Variants in EDRF1 observed in about 807,000 individuals in gnomAD.
The protein encoded by EDRF1 is erythroid differentiation-related factor 1.
In EDRF1, 69 loss-of-function variants were observed where a neutral mutation model predicts 148.7. The observed-to-expected ratio is 0.46, with a 90% CI of 0.38 to 0.57. The LOEUF is 0.57. EDRF1 is among the 20% of genes least tolerant of loss of function. The pLI, the probability that EDRF1 is intolerant of heterozygous loss-of-function variation, is 0.00. For synonymous variants in EDRF1, 515 were observed against 532.8 expected (o/e 0.97, Z 0.46); for missense variants, 1,118 against 1,478.7 (o/e 0.76, Z 4.00).
intron 24 of EDRF1, among the ~76,000 whole-genome samples, chr10:125,754,481 T>G (rs1342663202): frequency 6.6e-6 from 1 of 152,192 alleles, no homozygotes; most frequent in African/African-American, 2.4e-5. Flanking sequence ...TTCTGAATGT[T>G]GTCATTAATG....
chr10:125,761,143 A>T (rs1228661327), intron 24 of EDRF1: 4 of 310,824 alleles, frequency 1.3e-5, no homozygotes, highest in African/African-American at 2.3e-5. Flanking sequence ...TAATAATTAA[A>T]ATCTTAAGTT....
At chr10:125,721,163 T>C in intron 1 of EDRF1, 41 bp from the exon 2 acceptor site, 2 of 1,598,722 alleles carry the variant, frequency 1.3e-6, no homozygotes, top group South Asian at 1.1e-5. Flanking sequence ...TTTTTCGTTC[T>C]TAGTAATTTT....
chr10:125,747,077 T>G (rs1438635057), intron 19 of EDRF1: 1 of 157,878 alleles, frequency 6.3e-6, no homozygotes, highest in African/African-American at 2.4e-5. Context: ...GCTGGGTGAT[T>G]AAGTGTGGTT....
chr10:125,740,401 T>C, intron 15 of EDRF1, 62 bp from the exon 16 acceptor site: 1 of 1,533,672 alleles, frequency 6.5e-7, no homozygotes, highest in Non-Finnish European at 9.0e-7. Context: ...AAAATATTTT[T>C]TGTGCATGAG....
intron 24 of EDRF1, among the ~76,000 whole-genome samples, chr10:125,761,843 G>C (rs1589884994): frequency 6.6e-6 from 1 of 152,168 alleles, no homozygotes; most frequent in East Asian, 1.9e-4. Context: ...CAAAGAATAA[G>C]TCATCTTTCA....
At chr10:125,746,000 C>T (rs1849335663) in intron 19 of EDRF1, 70 bp downstream of exon 19, 2 of 1,430,502 alleles carry the variant, frequency 1.4e-6, no homozygotes, top group African/African-American at 1.4e-5. Flanking sequence ...TTGCCAGTTT[C>T]ACTAAAATAC....
At chr10:125,742,078 T>C (rs1826413728) in intron 17 of EDRF1, 1 of 454,592 alleles carries the variant, frequency 2.2e-6, no homozygotes, top group Admixed American at 3.3e-5. Context: ...AGGTTTCCTT[T>C]TGAAAGGTAT....
chr10:125,740,775 C>G, intron 16 of EDRF1, 124 bp downstream of exon 16: 2 of 1,208,004 alleles, frequency 1.7e-6, no homozygotes, highest in Non-Finnish European at 2.4e-6. Flanking sequence ...ATGACTGTTT[C>G]CAATCCTGTG....
intron 24 of EDRF1, among the ~76,000 whole-genome samples, chr10:125,757,450 C>T (rs983428813): frequency 5.3e-5 from 8 of 152,192 alleles, no homozygotes; most frequent in Admixed American, 1.3e-4. Flanking sequence ...ACAGAATACA[C>T]TGCTACTAGT....
chr10:125,738,479 A>G (rs992784809), intron 15 of EDRF1, 34 bp downstream of exon 15: 7 of 1,613,138 alleles, frequency 4.3e-6, no homozygotes, highest in Middle Eastern at 1.7e-4. Flanking sequence ...AAGGCCTTCA[A>G]TAGAATAATA....
At chr10:125,747,271 C>G (rs1316805982) in intron 19 of EDRF1, 1 of 474,470 alleles carries the variant, frequency 2.1e-6, no homozygotes, top group African/African-American at 2.0e-5. Context: ...CATGCTCAGC[C>G]TGAGTCAGAA....
intron 9 of EDRF1, 116 bp from the exon 10 acceptor site, chr10:125,733,288 C>G: frequency 3.8e-6 from 3 of 787,082 alleles, no homozygotes; most frequent in Non-Finnish European, 6.1e-6. Context: ...TAAACACTTT[C>G]ATGCTACATA....
intron 13 of EDRF1, among the ~76,000 whole-genome samples, chr10:125,736,971 T>C (rs903321878): frequency 2.2e-4 from 33 of 152,028 alleles, no homozygotes; most frequent in African/African-American, 8.0e-4. Flanking sequence ...TCCCTGCAGG[T>C]ACAGACCCTC....
rs147976694 is a variant in EDRF1, at chr10:125,752,872, A to G, written c.3351A>G (p.Ala1117=). 4.3e-6 allele frequency: 7 copies of G among 1,613,988 alleles called. No homozygotes were observed. In the Admixed American group the frequency reaches 8.3e-5, roughly 19 times the overall value. Residue 1117 remains alanine (A), a synonymous_variant, in exon 23 of 25, where the codon GCA becomes GCG. Transcript: ENST00000356792. ...ALDIMVRTEH[A]FQLIQKELIE... is the part of the protein sequence containing the mutation. ...ATATAATGGTGAGAACTGAGCACGCATTCCAGCTTATCCAGAAGGAGCTTA... is the reference window on the plus strand; with the variant it reads ...ATATAATGGTGAGAACTGAGCACGCGTTCCAGCTTATCCAGAAGGAGCTTA...
chr10:125,758,275 T>A (rs868255053), intron 24 of EDRF1, among the ~76,000 whole-genome samples: 3 of 152,220 alleles, frequency 2.0e-5, no homozygotes, highest in Non-Finnish European at 4.4e-5. Context: ...GTCTTGAACA[T>A]ACTAATTATA....
chr10:125,759,947 T>C (rs948640108), intron 24 of EDRF1, among the ~76,000 whole-genome samples: 4 of 152,220 alleles, frequency 2.6e-5, no homozygotes, highest in Non-Finnish European at 5.9e-5. Flanking sequence ...TCTGACCTCA[T>C]GATCCACCTG....
chr10:125,750,041 T>TGAGGTGGGAGAATCACTTGAACCCAG (rs1325305681), intron 22 of EDRF1, among the ~76,000 whole-genome samples: 1 of 152,056 alleles, frequency 6.6e-6, no homozygotes, highest in Non-Finnish European at 1.5e-5. Flanking sequence ...CTGAGGAGGT[T>TGAGGTGGGAGAATCACTTGAACCCAG]GAGGTGGGAG....
chr10:125,745,722 C>T lies in EDRF1; in HGVS notation c.2606C>T (p.Ser869Phe), dbSNP rs774719654. Residue 869 changes from serine (S) to phenylalanine (F), a missense_variant, in exon 19 of 25, where the codon TCT becomes TTT. Ser to Phe is a radical substitution (Grantham distance 155). This residue lies in a region of EDRF1 where 954 missense variants were observed against 1,241.4 expected (regional missense o/e 0.77). Transcript: ENST00000356792. ...QSERLVSKSV[S>F]AAEQQLWKKS... ...CTCTGTAAAGTGAGCAAATCTGTGT[C>T]TGCTGCCGAGCAACAGTTGTGGAAA... The T allele has an allele frequency of 1.2e-6, 2 of 1,614,224 alleles. No homozygotes were observed. Among genetic ancestry groups the T allele is most frequent in the South Asian group, 1.1e-5 (1 of 91,082 alleles).
At chr10:125,740,693 G>T (rs1315843924) in intron 16 of EDRF1, 42 bp downstream of exon 16, 4 of 1,584,050 alleles carry the variant, frequency 2.5e-6, no homozygotes, top group South Asian at 1.1e-5. Flanking sequence ...GCACTGGGAA[G>T]AGAGAACAGA....
Sources: allele counts gnomAD v4.1 joint callset (sites outside exome capture counted in the v4.1 genomes callset), GRCh38; gene constraint gnomAD v4.1.1; regional missense constraint gnomAD v4.1.1; transcripts MANE v1.5; gene names NCBI Gene and HGNC (gene_info 2026-07-23, HGNC 2026-07-21).